CHN2: variants seen among roughly 807,000 people sequenced by gnomAD.
CHN2 encodes chimerin 2.
In CHN2, 35 loss-of-function variants were observed where a neutral mutation model predicts 56.3. The observed-to-expected ratio is 0.62, with a 90% CI of 0.47 to 0.82. CHN2 has a LOEUF of 0.82. Ranked by LOEUF, CHN2 falls within the 40% of genes least tolerant of loss-of-function variation. The pLI, the probability that CHN2 is intolerant of heterozygous loss-of-function variation, is 0.00. For missense variants in CHN2, 491 were observed against 580.5 expected, an observed-to-expected ratio of 0.85 and a Z score of 1.58; for synonymous variants, 210 against 212.8, an observed-to-expected ratio of 0.99 and a Z score of 0.12.
intron 1 of CHN2, among the ~76,000 whole-genome samples, chr7:29,339,453 A>G (rs991005061): frequency 6.6e-6 from 1 of 152,140 alleles, no homozygotes; most frequent in Non-Finnish European, 1.5e-5. Flanking sequence ...AGAGCTTTCG[A>G]TATTAGCCAC....
At chr7:29,433,663 C>G (rs567552286) in intron 6 of CHN2, among the ~76,000 whole-genome samples, 22 of 152,112 alleles carry the variant, frequency 1.4e-4, no homozygotes, top group African/African-American at 5.3e-4. Context: ...ATGGCGAAAC[C>G]CCGTCTCTAC....
rs1304702780 is a variant in CHN2 at position 29,400,810 on chromosome 7, A to T, written c.558A>T (p.Glu186Asp). 1 of 1,613,666 alleles carries T rather than the reference A, an allele frequency of 6.2e-7. No individual in the cohort carries two copies. Among genetic ancestry groups the T allele is most frequent in the African/African-American group, 1.3e-5 (1 of 74,878 alleles). Residue 186 changes from glutamate to aspartate, a missense_variant, in exon 6 of 13, where the codon GAA becomes GAT. By Grantham distance (45) the Glu-to-Asp change is conservative. Coordinates refer to ENST00000222792, the MANE Select transcript of CHN2 (RefSeq NM_004067.4). ...EPRKTNVTHE[E>D]HTAVEKISSL... The stretch of plus-strand genomic sequence containing the variant: ...GAAAAACAAACGTCACACATGAAGA[A>T]CACACAGCGGTGGAAAAGGTGAGCT...
chr7:29,156,884 A>G (rs1384798484), intron 2 of CHN2, among the ~76,000 whole-genome samples: 1 of 152,214 alleles, frequency 6.6e-6, no homozygotes, highest in Non-Finnish European at 1.5e-5. Flanking sequence ...CTCAACATGA[A>G]AATCCTGTGG....
intron 1 of CHN2, among the ~76,000 whole-genome samples, chr7:29,195,629 A>AGAGTGTGTGTGTGTGT (rs869037854): frequency 1.0e-4 from 12 of 117,504 alleles, no homozygotes; most frequent in African/African-American, 3.6e-4. Flanking sequence ...AGAGAGAGAG[A>AGAGTGTGTGTGTGTGT]GTGTGTGTGT....
At chr7:29,256,376 A>C (rs554614994) in intron 1 of CHN2, among the ~76,000 whole-genome samples, 2 of 152,356 alleles carry the variant, frequency 1.3e-5, no homozygotes, top group African/African-American at 4.8e-5. Flanking sequence ...ATCGATTTCA[A>C]GTGTTCTTTC....
chr7:29,244,970 G>A (rs1363247402), intron 1 of CHN2, among the ~76,000 whole-genome samples: 2 of 152,050 alleles, frequency 1.3e-5, no homozygotes, highest in African/African-American at 4.8e-5. Flanking sequence ...TTTTTGGGCC[G>A]TGTCTTCAAT....
intron 6 of CHN2, among the ~76,000 whole-genome samples, chr7:29,479,444 G>A (rs904790276): frequency 1.3e-5 from 2 of 152,194 alleles, no homozygotes; most frequent in Admixed American, 1.3e-4. Context: ...ACTCAGAGTG[G>A]AAAAGCTTTG....
chr7:29,219,934 G>A (rs1785638962), intron 1 of CHN2, among the ~76,000 whole-genome samples: 1 of 152,020 alleles, frequency 6.6e-6, no homozygotes, highest in African/African-American at 2.4e-5. Flanking sequence ...AATTAGCTGG[G>A]CGTGGTGGCA....
At chr7:29,254,693 C>T (rs1482602486) in intron 1 of CHN2, among the ~76,000 whole-genome samples, 1 of 152,014 alleles carries the variant, frequency 6.6e-6, no homozygotes, top group African/African-American at 2.4e-5. Context: ...TGCGAGCTGC[C>T]CCAGAAAAAT....
chr7:29,395,900 A>G (rs1801699365), intron 4 of CHN2, among the ~76,000 whole-genome samples: 1 of 152,206 alleles, frequency 6.6e-6, no homozygotes. Flanking sequence ...CTAGGTGACT[A>G]TAGTTAAAAC....
chr7:29,334,141 T>C (rs1226947936), intron 1 of CHN2, among the ~76,000 whole-genome samples: 1 of 145,566 alleles, frequency 6.9e-6, no homozygotes, highest in African/African-American at 2.6e-5. Flanking sequence ...AACCTCTGCC[T>C]CCCGGTTCAA....
chr7:29,458,464 A>G (rs976277505), intron 6 of CHN2, among the ~76,000 whole-genome samples: 5 of 151,274 alleles, frequency 3.3e-5, no homozygotes, highest in African/African-American at 1.2e-4. Context: ...TAGCTGCCCT[A>G]CCTCTGTTCT....
chr7:29,349,809 T>A (rs1017225803), intron 1 of CHN2, among the ~76,000 whole-genome samples: 1 of 152,190 alleles, frequency 6.6e-6, no homozygotes, highest in African/African-American at 2.4e-5. Flanking sequence ...CAAGGATAAT[T>A]TTTTTTATTA....
At chr7:29,450,889 GC>G (rs1291174393) in intron 6 of CHN2, among the ~76,000 whole-genome samples, 3 of 151,866 alleles carry the variant, frequency 2.0e-5, no homozygotes, top group African/African-American at 7.3e-5. Flanking sequence ...CTCTGCCTCA[GC>G]CTCCCGAGTA....
At chr7:29,416,687 T>G (rs1221071538) in intron 6 of CHN2, among the ~76,000 whole-genome samples, 1 of 152,208 alleles carries the variant, frequency 6.6e-6, no homozygotes, top group Non-Finnish European at 1.5e-5. Flanking sequence ...GTAGCACAGT[T>G]AAGTATATAA....
intron 1 of CHN2, among the ~76,000 whole-genome samples, chr7:29,217,050 C>A (rs2128787310): frequency 6.6e-6 from 1 of 152,250 alleles, no homozygotes; most frequent in Non-Finnish European, 1.5e-5. Flanking sequence ...CTTTGAACAT[C>A]TAAATATATG....
chr7:29,324,310 C>G (rs1235390594), intron 1 of CHN2, among the ~76,000 whole-genome samples: 1 of 152,168 alleles, frequency 6.6e-6, no homozygotes, highest in Non-Finnish European at 1.5e-5. Flanking sequence ...CATCTCTTCT[C>G]CACACAGCCT....
rs551083935 is a variant in CHN2, at chr7:29,446,105, A to G, written c.577-34174A>G. On this transcript the variant is annotated intron_variant, in intron 6 of 12. Coordinates refer to ENST00000222792, the MANE Select transcript of CHN2 (RefSeq NM_004067.4). ...CAGAAACTCTGGGTAGGGAACAGAA[A>G]CAATAGTAGTTTTTACAGCTGTCCA... Among the ~76,000 whole-genome samples the G allele has an allele frequency of 2.0e-5, 3 of 152,264 alleles. No homozygotes were observed. In the South Asian group the frequency reaches 6.2e-4, roughly 32 times the overall value.
intron 6 of CHN2, among the ~76,000 whole-genome samples, chr7:29,448,799 G>A (rs1163533851): frequency 6.8e-6 from 1 of 146,544 alleles, no homozygotes; most frequent in African/African-American, 2.7e-5. Context: ...GTGCCCCAGA[G>A]CACACTATAT....
Sources: allele counts gnomAD v4.1 joint callset (sites outside exome capture counted in the v4.1 genomes callset), GRCh38; gene constraint gnomAD v4.1.1; transcripts MANE v1.5; gene names NCBI Gene and HGNC (gene_info 2026-07-23, HGNC 2026-07-21).